Variants in GBP6 observed in about 807,000 individuals in gnomAD.
GBP6 encodes the protein guanylate binding protein family member 6.
A neutral mutation model predicts 61.5 loss-of-function variants in GBP6; 54 were observed. The observed-to-expected ratio is 0.88, with a 90% CI of 0.71 to 1.10. The LOEUF is 1.10. Ranked by LOEUF, GBP6 falls within the 50% of genes least tolerant of loss-of-function variation. The probability of loss-of-function intolerance (pLI) is 0.00; values close to 1 mark genes in which losing one functional copy is unlikely to be tolerated. For missense variants in GBP6, 748 were observed against 752.8 expected (o/e 0.99, Z 0.07); for synonymous variants, 255 against 273.7 (o/e 0.93, Z 0.67).
At chr1:89,382,077 C>A in intron 7 of GBP6, 103 bp downstream of exon 7, 1 of 1,164,106 alleles carries the variant, frequency 8.6e-7, no homozygotes, top group Non-Finnish European at 1.2e-6. Context: ...TGAGGAATAA[C>A]TTATTGTGGA....
Position 89,380,431 on chromosome 1 carries a change from T to A in GBP6, c.671T>A (p.Ile224Asn). 1 of 1,613,930 alleles carries A rather than the reference T, an allele frequency of 6.2e-7. No individual in the cohort carries two copies. Among genetic ancestry groups the A allele is most frequent in the Non-Finnish European group, 8.5e-7 (1 of 1,179,848 alleles). Residue 224 changes from isoleucine to asparagine, a missense_variant, in exon 6 of 11, where the codon ATC (isoleucine) becomes AAC (asparagine). By Grantham distance (149) the Ile-to-Asn change is moderately radical (BLOSUM62 -3). Coordinates refer to ENST00000370456, the MANE Select transcript of GBP6 (RefSeq NM_198460.3). The part of the protein sequence containing the change: ...VQTSNFPREC[I>N]RRFFPKRKCF... Reference sequence around the variant, plus strand: ...ACATCCAATTTTCCCAGGGAGTGCATCAGGCGTTTCTTTCCAAAACGGAAG... The same window carrying A: ...ACATCCAATTTTCCCAGGGAGTGCAACAGGCGTTTCTTTCCAAAACGGAAG...
intron 3 of GBP6, among the ~76,000 whole-genome samples, chr1:89,372,179 G>T (rs193159686): frequency 5.4e-4 from 83 of 152,350 alleles, no homozygotes; most frequent in African/African-American, 1.9e-3. Context: ...ACAAACAAAT[G>T]GAAGAGCATT....
chr1:89,365,154 A>G (rs958469803), intron 1 of GBP6, among the ~76,000 whole-genome samples: 2 of 152,234 alleles, frequency 1.3e-5, no homozygotes, highest in Non-Finnish European at 2.9e-5. Context: ...AGAAACTATC[A>G]TCAGAGTGAT....
rs1416655135 is a variant in GBP6 at position 89,386,921 on chromosome 1, G to A, written c.*1452G>A. Reference sequence around the variant, plus strand: ...GAAGATTCAGTTATAGTAATGAGTGGCAGACTGCAAGGCCTGATGGAGATA... The same window carrying A: ...GAAGATTCAGTTATAGTAATGAGTGACAGACTGCAAGGCCTGATGGAGATA... On this transcript the variant is annotated 3_prime_UTR_variant, in exon 11 of 11. Transcript: ENST00000370456. Among the ~76,000 whole-genome samples the A allele has an allele frequency of 1.3e-5, 2 of 152,180 alleles. No individual in the cohort carries two copies. The highest frequency in any genetic ancestry group is 3.8e-4 in the East Asian group (2 of 5,202).
chr1:89,378,166 T>A lies in GBP6; in HGVS notation c.382T>A (p.Tyr128Asn). ...TGTGCTCCTGTGCAGCACCTTTGTCTACAACAGCATGAGCACCATCAACCA... is the reference window on the plus strand; with the variant it reads ...TGTGCTCCTGTGCAGCACCTTTGTCAACAACAGCATGAGCACCATCAACCA... ...LAVLLCSTFVYNSMSTINHQA... is the reference protein window; with the variant it reads ...LAVLLCSTFVNNSMSTINHQA... Residue 128 changes from tyrosine (Y) to asparagine (N), a missense_variant, in exon 4 of 11, where the codon TAC becomes AAC. By Grantham distance (143) the Tyr-to-Asn change is moderately radical (BLOSUM62 -2). Transcript: ENST00000370456. 1 of 1,613,254 alleles carries A rather than the reference T, an allele frequency of 6.2e-7. No homozygotes were observed. Among genetic ancestry groups the A allele is most frequent in the Non-Finnish European group, 8.5e-7 (1 of 1,179,790 alleles).
chr1:89,382,981 G>A, intron 8 of GBP6, 105 bp downstream of exon 8: 1 of 667,222 alleles, frequency 1.5e-6, no homozygotes, highest in South Asian at 2.0e-5. Context: ...TAACGCCTTA[G>A]CTTTCAATGT....
At position 89,387,099 on chromosome 1, in the gene GBP6, C is replaced by T. The variant is rs1229195475; in HGVS notation, c.*1630C>T. Among the ~76,000 whole-genome samples the T allele has an allele frequency of 6.6e-6, 1 of 152,118 alleles. No homozygotes were observed. Among genetic ancestry groups the T allele is most frequent in the Non-Finnish European group, 1.5e-5 (1 of 68,028 alleles). ...AGCCTTGATCTGAGCTAATTTCAGA[C>T]CCTGAACTCAGTTGGAGTGGAGGGC... On this transcript the variant is annotated 3_prime_UTR_variant, in exon 11 of 11. Transcript: ENST00000370456.
chr1:89,385,143 G>T (rs536014899), intron 10 of GBP6, 87 bp from the exon 11 acceptor site: 55 of 1,236,478 alleles, frequency 4.4e-5, no homozygotes, highest in Middle Eastern at 2.3e-4. Flanking sequence ...GTAAAATAAA[G>T]TTTCACACAG....
rs555637232 is a variant in GBP6, at chr1:89,387,320, C to A, written c.*1851C>A. 1.3e-5 allele frequency among the ~76,000 whole-genome samples: 2 copies of A among 152,184 alleles called. No individual in the cohort carries two copies. Among genetic ancestry groups the A allele is most frequent in the South Asian group, 2.1e-4 (1 of 4,824 alleles). Reference sequence around the variant, plus strand: ...TGGTACCTAGATCATGGAGAGTCATCGTAAAATGCCTGTTAAAATAGGGAA... The same window carrying A: ...TGGTACCTAGATCATGGAGAGTCATAGTAAAATGCCTGTTAAAATAGGGAA... On this transcript the variant is annotated 3_prime_UTR_variant, in exon 11 of 11. Transcript: ENST00000370456.
intron 2 of GBP6, 53 bp downstream of exon 2, chr1:89,368,794 G>A: frequency 1.3e-6 from 2 of 1,522,326 alleles, no homozygotes; most frequent in Non-Finnish European, 1.8e-6. Flanking sequence ...CTATATCTCA[G>A]CTTCTTGATT....
intron 1 of GBP6, among the ~76,000 whole-genome samples, chr1:89,366,360 A>G (rs1570458326): frequency 6.6e-6 from 1 of 152,158 alleles, no homozygotes. Context: ...TAGATTCTGG[A>G]CATTCTCCTG....
rs147100867 is a variant in GBP6 at position 89,381,866 on chromosome 1, G to A, written c.1044G>A (p.Thr348=). ...MAQRVKLPTD[T]LQELLDMHAA... is the part of the protein sequence containing the mutation. ...AGCGAGTGAAGCTCCCCACAGACAC[G>A]CTCCAGGAGCTGCTGGACATGCATG... is the stretch of plus-strand genomic sequence containing the variant. Residue 348 remains threonine, a synonymous_variant, in exon 7 of 11, where the codon ACG becomes ACA. Transcript: ENST00000370456. The A allele has an allele frequency of 2.4e-3, 3,807 of 1,614,112 alleles. 14 individuals are homozygous for A. Among genetic ancestry groups the A allele is most frequent in the South Asian group, 6.6e-3 (601 of 91,082 alleles).
At chr1:89,365,044 C>T (rs1652433082) in intron 1 of GBP6, among the ~76,000 whole-genome samples, 2 of 119,312 alleles carry the variant, frequency 1.7e-5, no homozygotes, top group African/African-American at 6.3e-5. Flanking sequence ...TCTCATTGTT[C>T]AACTCCCACT....
chr1:89,381,179 G>A (rs1652966820), intron 6 of GBP6, among the ~76,000 whole-genome samples: 2 of 151,050 alleles, frequency 1.3e-5, no homozygotes, highest in South Asian at 4.2e-4. Context: ...CAGCTACTTA[G>A]GAGGCTGAGG....
rs1557542667 is a variant in GBP6, at chr1:89,381,800, CG to C, written c.979del (p.Val327CysfsTer16). Reference sequence around the variant, plus strand: ...TGGCCCAGCGTGAGAACTCAGCGGCCGTGCAGAGGGCAGCTGACTACTACAG... The same window carrying C: ...TGGCCCAGCGTGAGAACTCAGCGGCCTGCAGAGGGCAGCTGACTACTACAG... ...TLAQRENSAAVQRAADYYSQQ... is the reference protein window; with the variant it reads ...TLAQRENSAAXQRAADYYSQQ... On this transcript the variant is annotated frameshift_variant, in exon 7 of 11. Coordinates refer to ENST00000370456, the MANE Select transcript of GBP6 (RefSeq NM_198460.3). LOFTEE classifies it high-confidence loss of function. 6.2e-7 allele frequency: 1 copy of C among 1,614,062 alleles called. No homozygotes were observed. The highest frequency in any genetic ancestry group is 1.1e-5 in the South Asian group (1 of 91,074).
intron 5 of GBP6, among the ~76,000 whole-genome samples, chr1:89,378,946 G>A (rs1375041934): frequency 6.6e-6 from 1 of 152,090 alleles, no homozygotes; most frequent in African/African-American, 2.4e-5. Context: ...GAAAATGATT[G>A]ACCAGATAAT....
In GBP6 at chr1:89,380,581, C is replaced by A; in HGVS notation, c.821C>A (p.Thr274Asn). 6.2e-7 allele frequency: 1 copy of A among 1,613,674 alleles called. No individual in the cohort carries two copies. Among genetic ancestry groups the A allele is most frequent in the Non-Finnish European group, 8.5e-7 (1 of 1,179,564 alleles). ...AACATTTTCTGTTCTTACATCTTCA[C>A]TCATGCAAGAACCAAGACCCTCAGG... ...QTNIFCSYIF[T>N]HARTKTLREG... is the part of the protein sequence containing the mutation. Residue 274 changes from threonine to asparagine, a missense_variant, in exon 6 of 11, where the codon ACT (threonine) becomes AAT (asparagine). Coordinates refer to ENST00000370456, the MANE Select transcript of GBP6 (RefSeq NM_198460.3).
chr1:89,374,276 C>G (rs1223479098), intron 3 of GBP6, among the ~76,000 whole-genome samples: 1 of 152,128 alleles, frequency 6.6e-6, no homozygotes. Context: ...TTTTTCTGTT[C>G]ATGCATTGAT....
At chr1:89,383,222 T>G (rs1314946501) in intron 8 of GBP6, among the ~76,000 whole-genome samples, 1 of 54,380 alleles carries the variant, frequency 1.8e-5, no homozygotes, top group Non-Finnish European at 3.3e-5. Flanking sequence ...AGAAGCACCT[T>G]TATTTGGAAA....
Sources: gnomAD v4.1 joint callset for allele counts (sites outside exome capture counted in the v4.1 genomes callset) on GRCh38, gnomAD v4.1.1 for gene constraint, MANE v1.5 for transcripts, NCBI Gene and HGNC (gene_info 2026-07-23, HGNC 2026-07-21) for gene names.